NOM1: variants seen among roughly 807,000 people sequenced by gnomAD.
The protein encoded by NOM1 is nucleolar protein with MIF4G domain 1, also known as nucleolar MIF4G domain-containing protein 1.
Under a neutral mutation model 73.3 loss-of-function variants are expected in NOM1, and 58 were observed. That is an observed-to-expected ratio of 0.79 (90% confidence interval 0.64 to 0.99). The LOEUF (loss-of-function observed/expected upper bound fraction) is 0.99. Ranked by LOEUF, NOM1 falls within the 50% of genes least tolerant of loss-of-function variation. The probability of loss-of-function intolerance (pLI) is 0.00; values close to 1 mark genes in which losing one functional copy is unlikely to be tolerated. For synonymous variants in NOM1, 487 were observed against 446.8 expected (o/e 1.09, Z -1.14); for missense variants, 1,226 against 1,131.9 (o/e 1.08, Z -1.19).
rs752149254 is a variant in NOM1 at position 156,954,226 on chromosome 7, G to A, written c.1236G>A (p.Ser412=). ...TCATGGGTGCCTGCGTCACTGCCTC[G>A]GCCATGCCCAGCAGACTGATGATGG... ...SALMGACVTA[S]AMPSRLMMEH... is the part of the protein sequence containing the mutation. The change falls in exon 3 of 11, where the codon TCG becomes TCA. Residue 412 remains serine (S), a synonymous_variant. Transcript: ENST00000275820. 8.1e-6 allele frequency: 13 copies of A among 1,613,318 alleles called. No individual in the cohort carries two copies. In the East Asian group the frequency reaches 8.9e-5, roughly 11 times the overall value.
In NOM1 at chr7:156,966,407, C is replaced by T; in HGVS notation, c.2166+5C>T. 1.2e-6 allele frequency: 2 copies of T among 1,614,014 alleles called. No individual in the cohort carries two copies. Among genetic ancestry groups the T allele is most frequent in the African/African-American group, 1.3e-5 (1 of 75,036 alleles). On this transcript the variant is annotated splice_donor_5th_base_variant and intron_variant, in intron 8 of 10. Transcript: ENST00000275820. ...GAATATGAAAGGAGATTTCAGGTAG[C>T]TTAGTGCGGAGGCACCAGTTACGTC...
chr7:156,964,716 A>T (rs1485800064), intron 7 of NOM1, among the ~76,000 whole-genome samples: 1 of 152,130 alleles, frequency 6.6e-6, no homozygotes, highest in Non-Finnish European at 1.5e-5. Flanking sequence ...TCCTTTTAGG[A>T]TTCTGATAAT....
Position 156,962,991 on chromosome 7 carries a change from T to A in NOM1, c.1744-17T>A. On this transcript the variant is annotated splice_polypyrimidine_tract_variant and intron_variant, in intron 5 of 10. Transcript: ENST00000275820. ...AACCAATTAAAAGCATTTCATTAGC[T>A]CTTCTCTCTTCATCAGGTCCGCAAC... is the stretch of plus-strand genomic sequence containing the variant. 1 of 1,604,910 alleles carries A rather than the reference T, an allele frequency of 6.2e-7. No homozygotes were observed. Among genetic ancestry groups the A allele is most frequent in the South Asian group, 1.1e-5 (1 of 90,902 alleles).
In NOM1 at chr7:156,950,545, GA is replaced by G; in HGVS notation, c.812del (p.Lys271ArgfsTer56). On this transcript the variant is annotated frameshift_variant, in exon 1 of 11. Transcript: ENST00000275820. LOFTEE classifies it high-confidence loss of function. ...GGAGGAGGAGGGAGACGTAGAAAAG[GA>G]AAAGAAGGCGCAGGAAGCAGAAGCG... is the stretch of plus-strand genomic sequence containing the variant. ...EEEEEGDVEK[E>X]KKAQEAEAQS... 6.2e-7 allele frequency: 1 copy of G among 1,613,086 alleles called. No homozygotes were observed. Among genetic ancestry groups the G allele is most frequent in the Non-Finnish European group, 8.5e-7 (1 of 1,179,416 alleles).
rs34351910 is a variant in NOM1, at chr7:156,971,585, A to G, written c.*1882A>G. ...CAGGCTGGCCTCAAGTGATCCTCTT[A>G]CCTTGGCCTCCCAAACACCGGGATT... On this transcript the variant is annotated 3_prime_UTR_variant, in exon 11 of 11. Transcript: ENST00000275820. The G allele has an allele frequency of 0.51, 77,467 of 151,724 alleles. 20,109 individuals carry two copies. The highest frequency in any genetic ancestry group is 0.62 in the Middle Eastern group (182 of 292). The allele number at this position is 151,724 out of a possible 1,614,324, so 9.4% of individuals were successfully genotyped here.
chr7:156,951,189 G>A (rs1394089455), intron 1 of NOM1, among the ~76,000 whole-genome samples: 1 of 152,172 alleles, frequency 6.6e-6, no homozygotes, highest in African/African-American at 2.4e-5. Flanking sequence ...TTTGAGGTCA[G>A]GTGTTTGAGA....
intron 4 of NOM1, among the ~76,000 whole-genome samples, chr7:156,961,734 A>G (rs1804867609): frequency 1.3e-5 from 2 of 152,078 alleles, no homozygotes; most frequent in Non-Finnish European, 2.9e-5. Context: ...TCTGTATGAC[A>G]TTACTTCCAG....
intron 7 of NOM1, among the ~76,000 whole-genome samples, chr7:156,965,502 CG>C (rs1804971584): frequency 6.6e-6 from 1 of 152,224 alleles, no homozygotes; most frequent in Non-Finnish European, 1.5e-5. Context: ...CAGGTTCTCA[CG>C]GGTGATGGAG....
chr7:156,950,255 G>T lies in NOM1; in HGVS notation c.518G>T (p.Arg173Leu), dbSNP rs747018196. 6.2e-7 allele frequency: 1 copy of T among 1,613,614 alleles called. No homozygotes were observed. Among genetic ancestry groups the T allele is most frequent in the Non-Finnish European group, 8.5e-7 (1 of 1,179,702 alleles). Residue 173 changes from arginine (R) to leucine (L), a missense_variant, in exon 1 of 11, where the codon CGG (arginine) becomes CTG (leucine). Transcript: ENST00000275820. ...SAAATAAARK[R>L]ALLAANEEED... is the part of the protein sequence containing the mutation. ...GCCGCCACCGCCGCTGCCCGGAAAC[G>T]GGCGCTTTTAGCGGCGAACGAGGAG...
intron 1 of NOM1, among the ~76,000 whole-genome samples, chr7:156,951,212 A>G (rs1466359451): frequency 6.6e-6 from 1 of 152,178 alleles, no homozygotes; most frequent in Non-Finnish European, 1.5e-5. Flanking sequence ...AGCCTGGCTA[A>G]CGTGGTGAAA....
chr7:156,950,130 C>T lies in NOM1; in HGVS notation c.393C>T (p.Arg131=). 1 of 1,565,522 alleles carries T rather than the reference C, an allele frequency of 6.4e-7. No homozygotes were observed. The highest frequency in any genetic ancestry group is 1.9e-5 in the Admixed American group (1 of 52,436). ...GGCAGGACACGGAGGAGCGCGCCCG[C>T]CCAGCCCCTAGTCGGGACCCCTCGC... The part of the protein sequence containing the change: ...GHRQDTEERA[R]PAPSRDPSPP... Residue 131 remains arginine (R), a synonymous_variant, in exon 1 of 11, where the codon CGC becomes CGT. Coordinates refer to ENST00000275820, the MANE Select transcript of NOM1 (RefSeq NM_138400.2).
At chr7:156,953,525 A>T (rs1297053120) in intron 2 of NOM1, among the ~76,000 whole-genome samples, 1 of 150,952 alleles carries the variant, frequency 6.6e-6, no homozygotes, top group Non-Finnish European at 1.5e-5. Context: ...CCATGGCCTC[A>T]CCCACCCCCT....
In NOM1 at chr7:156,949,801, A is replaced by T; in HGVS notation, c.64A>T (p.Met22Leu). The T allele has an allele frequency of 7.0e-7, 1 of 1,427,096 alleles. No individual in the cohort carries two copies. The highest frequency in any genetic ancestry group is 1.5e-5 in the South Asian group (1 of 66,132). The allele number at this position is 1,427,096 out of a possible 1,614,324, so 88.4% of individuals were successfully genotyped here. A position where few individuals can be genotyped will look rare whatever the true frequency, so the allele number is the denominator to read the frequency against. ...CGGCTCCCAGGGACGCGTGGTCCGC[A>T]TGAAGCGCAGAGGCGGGCGCGGGCC... is the stretch of plus-strand genomic sequence containing the variant. ...PGGSQGRVVR[M>L]KRRGGRGPRR... Residue 22 changes from methionine to leucine, a missense_variant, in exon 1 of 11, where the codon ATG becomes TTG. Met to Leu is a conservative substitution (Grantham distance 15, BLOSUM62 2). Transcript: ENST00000275820.
chr7:156,951,247 A>G (rs561238432), intron 1 of NOM1, among the ~76,000 whole-genome samples: 22 of 152,262 alleles, frequency 1.4e-4, no homozygotes, highest in African/African-American at 5.1e-4. Flanking sequence ...AAAATACAAA[A>G]AACAGCCGGG....
In NOM1 at chr7:156,952,575, A is replaced by G. The variant is rs906679985; in HGVS notation, c.1089A>G (p.Lys363=). 1.2e-6 allele frequency: 2 copies of G among 1,613,956 alleles called. No individual in the cohort carries two copies. The highest frequency in any genetic ancestry group is 2.7e-5 in the African/African-American group (2 of 74,920). Residue 363 remains lysine, a synonymous_variant, in exon 2 of 11, where the codon AAA becomes AAG. Transcript: ENST00000275820. ...KKKEELERLK[K]HVKGLLNRLS... ...AGGAAGAACTAGAAAGGCTGAAGAA[A>G]CATGTAAAAGGTCTACTTAACAGGT...
chr7:156,954,119 A>T lies in NOM1; in HGVS notation c.1129A>T (p.Met377Leu), dbSNP rs779790924. 2 of 1,611,298 alleles carry T rather than the reference A, an allele frequency of 1.2e-6. No individual in the cohort carries two copies. Among genetic ancestry groups the T allele is most frequent in the Non-Finnish European group, 1.7e-6 (2 of 1,179,128 alleles). Residue 377 changes from methionine (M) to leucine (L), a missense_variant, in exon 3 of 11, where the codon ATG becomes TTG. Coordinates refer to ENST00000275820, the MANE Select transcript of NOM1 (RefSeq NM_138400.2). The stretch of plus-strand genomic sequence containing the variant: ...TCTCTGCAGGTTGAGTGAACCCAAC[A>T]TGGCTTCCATCAGTGGGCAGCTGGA... ...GLLNRLSEPNMASISGQLEEL... is the reference protein window; with the variant it reads ...GLLNRLSEPNLASISGQLEEL...
At chr7:156,956,841 C>G (rs1474257010) in intron 3 of NOM1, among the ~76,000 whole-genome samples, 1 of 152,166 alleles carries the variant, frequency 6.6e-6, no homozygotes, top group Non-Finnish European at 1.5e-5. Flanking sequence ...GGTGCCATTC[C>G]TGGGCCCTGT....
rs1804934117 is a variant in NOM1 at position 156,963,957 on chromosome 7, T to C, written c.1964T>C (p.Ile655Thr). 1 of 1,614,002 alleles carries C rather than the reference T, an allele frequency of 6.2e-7. No homozygotes were observed. The highest frequency in any genetic ancestry group is 1.3e-5 in the African/African-American group (1 of 74,934). ...LARKQRMNTDIRRNIFCTIMT... is the reference protein window; with the variant it reads ...LARKQRMNTDTRRNIFCTIMT... ...CGGAAGCAGAGGATGAACACAGACA[T>C]CCGGAGAAACATATTCTGCACAATA... Residue 655 changes from isoleucine (I) to threonine (T), a missense_variant, in exon 7 of 11, where the codon ATC (isoleucine) becomes ACC (threonine). Coordinates refer to ENST00000275820, the MANE Select transcript of NOM1 (RefSeq NM_138400.2).
intron 3 of NOM1, among the ~76,000 whole-genome samples, chr7:156,959,206 G>A (rs865860269): frequency 3.3e-5 from 5 of 151,798 alleles, no homozygotes; most frequent in African/African-American, 9.7e-5. Context: ...GGGTTCAAGC[G>A]ATTCTCTTGC....
Sources: allele counts gnomAD v4.1 joint callset (sites outside exome capture counted in the v4.1 genomes callset), GRCh38; gene constraint gnomAD v4.1.1; transcripts MANE v1.5; gene names NCBI Gene and HGNC (gene_info 2026-07-23, HGNC 2026-07-21).